Variants in ACTN1 observed in about 807,000 individuals in gnomAD.
ACTN1 encodes actinin alpha 1, also known as alpha-actinin-1.
In ACTN1, 30 loss-of-function variants were observed where a neutral mutation model predicts 119.6. The observed-to-expected ratio is 0.25, with a 90% CI of 0.19 to 0.34. The LOEUF is 0.34. Among genes scored for constraint, ACTN1 ranks in the 10% least tolerant of loss-of-function variants. ACTN1 has a pLI of 1.00. For missense variants in ACTN1, 764 were observed against 1,223.4 expected (o/e 0.62, Z 5.60); for synonymous variants, 429 against 472.6 (o/e 0.91, Z 1.20).
chr14:68,892,232 C>G lies in ACTN1; in HGVS notation c.907G>C (p.Glu303Gln). 2 of 1,614,090 alleles carry G rather than the reference C, an allele frequency of 1.2e-6. No individual in the cohort carries two copies. The highest frequency in any genetic ancestry group is 1.7e-6 in the Non-Finnish European group (2 of 1,180,014). ...TIPWLENRVPENTMHAMQQKL... is the reference protein window; with the variant it reads ...TIPWLENRVPQNTMHAMQQKL... ...TGTTGCATGGCATGCATGGTGTTCTCGGGCACCCGGTTCTCCAGCCACGGG... is the reference window on the plus strand; with the variant it reads ...TGTTGCATGGCATGCATGGTGTTCTGGGGCACCCGGTTCTCCAGCCACGGG... Residue 303 changes from glutamate (E) to glutamine (Q), a missense_variant, in exon 10 of 22, where the codon GAG becomes CAG. Physicochemically the swap from Glu to Gln is conservative, Grantham distance 29. Coordinates refer to ENST00000394419, the MANE Select transcript of ACTN1 (RefSeq NM_001130004.2).
intron 21 of ACTN1, chr14:68,875,282 T>C: frequency 1.2e-6 from 1 of 846,792 alleles, no homozygotes; most frequent in Non-Finnish European, 1.8e-6. Flanking sequence ...ATGTGCCAAT[T>C]ACACCTATAA....
rs1475975927 is a variant in ACTN1, at chr14:68,878,124, G to A, written c.2427+334C>T. The stretch of plus-strand genomic sequence containing the variant: ...GTTTCCATGCTCCATGTGAGGTGAC[G>A]CATGCCAGCCCGAAACCTGGGATGT... On this transcript the variant is annotated intron_variant, in intron 20 of 21. Coordinates refer to ENST00000394419, the MANE Select transcript of ACTN1 (RefSeq NM_001130004.2). The surrounding 1 kb of genome is among the most constrained non-coding windows in gnomAD (Gnocchi z 4.4). 9 of 257,010 alleles carry A rather than the reference G, an allele frequency of 3.5e-5. No homozygotes were observed. The highest frequency in any genetic ancestry group is 6.0e-5 in the Non-Finnish European group (8 of 134,226). 15.9% of individuals were successfully genotyped at this position (257,010 alleles called of 1,614,324 possible).
At chr14:68,915,518 G>A (rs2034244073) in intron 3 of ACTN1, among the ~76,000 whole-genome samples, 1 of 152,134 alleles carries the variant, frequency 6.6e-6, no homozygotes, top group African/African-American at 2.4e-5. Flanking sequence ...TTCCTGTTTT[G>A]CATCACTGCT....
chr14:68,888,901 C>T (rs1488002813), intron 11 of ACTN1, among the ~76,000 whole-genome samples: 1 of 152,176 alleles, frequency 6.6e-6, no homozygotes, highest in African/African-American at 2.4e-5. Context: ...AAACTGGTCC[C>T]CGGTACCAAC....
intron 3 of ACTN1, 112 bp downstream of exon 3, chr14:68,920,894 G>A (rs2034608198): frequency 2.1e-6 from 3 of 1,434,320 alleles, no homozygotes; most frequent in Middle Eastern, 2.0e-4. Flanking sequence ...GGGACCCACT[G>A]CCCAATGCCC....
In ACTN1 at chr14:68,885,705, G is replaced by T; in HGVS notation, c.1235-130C>A. The T allele has an allele frequency of 1.9e-6, 2 of 1,080,856 alleles. No individual in the cohort carries two copies. The highest frequency in any genetic ancestry group is 3.2e-5 in the South Asian group (2 of 62,742). The allele number at this position is 1,080,856 out of a possible 1,614,324, so 67.0% of individuals were successfully genotyped here. A position where few individuals can be genotyped will look rare whatever the true frequency, so the allele number is the denominator to read the frequency against. ...TCTCAAGGAGGTGCCCATTGTGCAG[G>T]GATCTGCAGGGTGCAAAAGCAGATG... On this transcript the variant is annotated intron_variant, in intron 11 of 21. Transcript: ENST00000394419. This position sits in a 1 kb window ranked among gnomAD's most constrained non-coding sequence, Gnocchi z 5.6.
intron 1 of ACTN1, among the ~76,000 whole-genome samples, chr14:68,957,680 GT>G (rs2036393203): frequency 6.6e-6 from 1 of 152,118 alleles, no homozygotes; most frequent in East Asian, 1.9e-4. Context: ...AAGCAACTCT[GT>G]GGGTTGCAGG....
At chr14:68,901,542 C>T (rs190055998) in intron 8 of ACTN1, among the ~76,000 whole-genome samples, 22 of 152,292 alleles carry the variant, frequency 1.4e-4, no homozygotes, top group Admixed American at 1.4e-3. Context: ...GCCACCAGCC[C>T]GGCCTCATCA....
In ACTN1 at chr14:68,898,549, G is replaced by A. The variant is rs575901331; in HGVS notation, c.762+3928C>T. Among the ~76,000 whole-genome samples, 16 of 152,220 alleles carry A rather than the reference G, an allele frequency of 1.1e-4. No individual in the cohort carries two copies. In the East Asian group the frequency reaches 1.7e-3, roughly 17 times the overall value. ...CGGGTTTTGGAAGACTTTCCTCATC[G>A]GTGCCAGCCCGGAGACAGACAAGAC... is the stretch of plus-strand genomic sequence containing the variant. On this transcript the variant is annotated intron_variant, in intron 8 of 21. Coordinates refer to ENST00000394419, the MANE Select transcript of ACTN1 (RefSeq NM_001130004.2).
At chr14:68,940,054 C>T (rs554828976) in intron 1 of ACTN1, among the ~76,000 whole-genome samples, 2 of 152,278 alleles carry the variant, frequency 1.3e-5, no homozygotes, top group South Asian at 2.1e-4. Context: ...GCACCCGCTC[C>T]GGGAGGCCAG....
chr14:68,878,810 C>T lies in ACTN1; in HGVS notation c.2361+179G>A. The T allele has an allele frequency of 1.3e-6, 2 of 1,588,766 alleles. No homozygotes were observed. Among genetic ancestry groups the T allele is most frequent in the East Asian group, 4.5e-5 (2 of 44,222 alleles). On this transcript the variant is annotated intron_variant, in intron 19 of 21. Coordinates refer to ENST00000394419, the MANE Select transcript of ACTN1 (RefSeq NM_001130004.2). This position sits in a 1 kb window ranked among gnomAD's most constrained non-coding sequence, Gnocchi z 4.4. ...GCACCCAGTAGGTTGCCATGAAAGA[C>T]AGCAGAGGGCAGAGGGTGGACCAGT...
intron 1 of ACTN1, among the ~76,000 whole-genome samples, chr14:68,948,238 A>G (rs1375191405): frequency 6.6e-6 from 1 of 152,200 alleles, no homozygotes; most frequent in Non-Finnish European, 1.5e-5. Flanking sequence ...TACGCACTTT[A>G]TAACAATGAC....
chr14:68,885,298 C>T lies in ACTN1; in HGVS notation c.1385+127G>A. 2 of 1,273,236 alleles carry T rather than the reference C, an allele frequency of 1.6e-6. No individual in the cohort carries two copies. The highest frequency in any genetic ancestry group is 1.5e-5 in the South Asian group (1 of 64,780). The allele number at this position is 1,273,236 out of a possible 1,614,324, so 78.9% of individuals were successfully genotyped here. On this transcript the variant is annotated intron_variant, in intron 12 of 21. Transcript: ENST00000394419. This position sits in a 1 kb window ranked among gnomAD's most constrained non-coding sequence, Gnocchi z 5.6. ...ATTTGTCTCCTGCGTTGACTCCCTC[C>T]CCACCTGGGCACCCACCTGTACCCA...
intron 8 of ACTN1, among the ~76,000 whole-genome samples, chr14:68,900,269 T>C (rs1168988628): frequency 6.6e-6 from 1 of 152,086 alleles, no homozygotes; most frequent in African/African-American, 2.4e-5. Context: ...TTCACTGCCA[T>C]CTGCAGGATC....
chr14:68,936,806 C>G, intron 1 of ACTN1: 1 of 605,818 alleles, frequency 1.7e-6, no homozygotes, highest in Admixed American at 1.9e-5. Flanking sequence ...GTGGTGCCAA[C>G]GCCAAGCAAT....
intron 7 of ACTN1, among the ~76,000 whole-genome samples, chr14:68,903,950 T>C (rs2033507394): frequency 6.6e-6 from 1 of 152,166 alleles, no homozygotes; most frequent in Non-Finnish European, 1.5e-5. Context: ...ACCCTGAACC[T>C]GTCCCCATCC....
intron 7 of ACTN1, 134 bp downstream of exon 7, chr14:68,904,521 A>G (rs1266804236): frequency 2.9e-6 from 2 of 679,382 alleles, no homozygotes; most frequent in South Asian, 3.7e-5. Context: ...TGTGATCCCC[A>G]TGCTCCTCAA....
In ACTN1 at chr14:68,880,144, C is replaced by T; in HGVS notation, c.2134-36G>A. On this transcript the variant is annotated intron_variant, in intron 17 of 21. Transcript: ENST00000394419. The surrounding 1 kb of genome is among the most constrained non-coding windows in gnomAD (Gnocchi z 4.6). ...GCAAGGGGCCTGTCAGCAAAGGGGT[C>T]CCAGGCCTGGGCTCCTGGCGGCCCC... The T allele has an allele frequency of 6.2e-7, 1 of 1,605,748 alleles. No homozygotes were observed. Among genetic ancestry groups the T allele is most frequent in the South Asian group, 1.1e-5 (1 of 90,704 alleles).
intron 1 of ACTN1, among the ~76,000 whole-genome samples, chr14:68,950,529 G>A (rs1224667861): frequency 1.3e-5 from 2 of 148,964 alleles, no homozygotes; most frequent in African/African-American, 5.1e-5. Context: ...GTTACCTGTG[G>A]GGAGTTGTTT....
Sources: allele counts gnomAD v4.1 joint callset (sites outside exome capture counted in the v4.1 genomes callset), GRCh38; gene constraint gnomAD v4.1.1; non-coding constraint Gnocchi (gnomAD v3.1); transcripts MANE v1.5; gene names NCBI Gene and HGNC (gene_info 2026-07-23, HGNC 2026-07-21).